The following GPC5 variants were observed in gnomAD, a reference collection of about 807,000 sequenced individuals.
GPC5 encodes the protein glypican-5.
A neutral mutation model predicts 53.9 loss-of-function variants in GPC5; 47 were observed. The observed-to-expected ratio is 0.87, with a 90% CI of 0.69 to 1.11. The LOEUF (loss-of-function observed/expected upper bound fraction) is 1.11. GPC5 is among the 50% of genes most tolerant of loss of function. The probability of loss-of-function intolerance (pLI) is 0.00; values close to 1 mark genes in which losing one functional copy is unlikely to be tolerated. For synonymous variants in GPC5, 286 were observed against 263.3 expected (o/e 1.09, Z -0.84); for missense variants, 748 against 713.1 (o/e 1.05, Z -0.56).
intron 7 of GPC5, among the ~76,000 whole-genome samples, chr13:92,565,501 C>G (rs923055009): frequency 6.6e-6 from 1 of 151,980 alleles, no homozygotes; most frequent in African/African-American, 2.4e-5. Context: ...CTTTTTTTCA[C>G]TGCTACAAAG....
intron 6 of GPC5, among the ~76,000 whole-genome samples, chr13:92,105,793 T>C (rs2041504945): frequency 6.6e-6 from 1 of 152,144 alleles, no homozygotes; most frequent in Non-Finnish European, 1.5e-5. Flanking sequence ...TTTGTACCTA[T>C]ATATAAAACA....
chr13:91,920,065 G>A (rs2039696295), intron 6 of GPC5, among the ~76,000 whole-genome samples: 1 of 151,934 alleles, frequency 6.6e-6, no homozygotes, highest in Admixed American at 6.6e-5. Context: ...AGTATCAATG[G>A]ACAATCAATG....
intron 6 of GPC5, among the ~76,000 whole-genome samples, chr13:92,121,563 TCCCA>T (rs2041649527): frequency 6.6e-6 from 1 of 152,208 alleles, no homozygotes; most frequent in Non-Finnish European, 1.5e-5. Flanking sequence ...CCATAGCTGT[TCCCA>T]TATGCAACTT....
chr13:92,340,866 T>A (rs1418662778), intron 7 of GPC5, among the ~76,000 whole-genome samples: 2 of 152,142 alleles, frequency 1.3e-5, no homozygotes, highest in Non-Finnish European at 2.9e-5. Context: ...TTTTGTACTA[T>A]ATAGCATTTA....
chr13:92,498,587 T>C (rs1880069995), intron 7 of GPC5, among the ~76,000 whole-genome samples: 2 of 152,122 alleles, frequency 1.3e-5, no homozygotes, highest in African/African-American at 4.8e-5. Context: ...GCTTAAAAAC[T>C]GCCTGACCAC....
rs532371355 is a variant in GPC5, at chr13:91,733,184, TG to T, written c.1154+4521del. Among the ~76,000 whole-genome samples the T allele has an allele frequency of 1.3e-3, 194 of 152,324 alleles. 1 individual carries two copies. Among genetic ancestry groups the T allele is most frequent in the African/African-American group, 4.5e-3 (189 of 41,572 alleles). On this transcript the variant is annotated intron_variant, in intron 4 of 7. Coordinates refer to ENST00000377067, the MANE Select transcript of GPC5 (RefSeq NM_004466.6). ...GACAGTCTCATTCTGTCGCCCAGGC[TG>T]GAGTACAGTGACACAGTCTCGGCTC...
chr13:92,127,441 A>T (rs1386774673), intron 6 of GPC5, among the ~76,000 whole-genome samples: 5 of 152,170 alleles, frequency 3.3e-5, no homozygotes, highest in Non-Finnish European at 7.4e-5. Context: ...ATGATTTAAA[A>T]TAATCAGGTT....
chr13:91,471,504 G>A (rs1566428816), intron 2 of GPC5, among the ~76,000 whole-genome samples: 1 of 152,152 alleles, frequency 6.6e-6, no homozygotes, highest in Non-Finnish European at 1.5e-5. Context: ...TTCAGGACAT[G>A]TCTAGAAGTT....
At chr13:92,860,679 T>C (rs1879152472) in intron 7 of GPC5, among the ~76,000 whole-genome samples, 2 of 152,032 alleles carry the variant, frequency 1.3e-5, no homozygotes, top group Admixed American at 6.6e-5. Flanking sequence ...AAATTTAACA[T>C]AATAAGATTC....
intron 7 of GPC5, among the ~76,000 whole-genome samples, chr13:92,231,138 G>A (rs962180977): frequency 6.6e-6 from 1 of 152,098 alleles, no homozygotes; most frequent in South Asian, 2.1e-4. Flanking sequence ...GAGGCTACCA[G>A]GTAAGTCATG....
intron 5 of GPC5, among the ~76,000 whole-genome samples, chr13:91,830,951 T>C (rs981296496): frequency 2.9e-5 from 4 of 136,066 alleles, no homozygotes; most frequent in Non-Finnish European, 6.1e-5. Context: ...CTATTATATA[T>C]GATATATATC....
intron 7 of GPC5, among the ~76,000 whole-genome samples, chr13:92,230,164 A>T (rs1299165603): frequency 6.6e-6 from 1 of 152,186 alleles, no homozygotes; most frequent in Non-Finnish European, 1.5e-5. Flanking sequence ...ACAGCTTTGC[A>T]AGTCATATGC....
chr13:92,228,335 T>A (rs2042504254), intron 7 of GPC5, among the ~76,000 whole-genome samples: 1 of 152,068 alleles, frequency 6.6e-6, no homozygotes, highest in African/African-American at 2.4e-5. Flanking sequence ...AAAAGTAAAA[T>A]TATTGTAATA....
chr13:92,337,298 A>G (rs1005164437), intron 7 of GPC5, among the ~76,000 whole-genome samples: 1 of 152,148 alleles, frequency 6.6e-6, no homozygotes, highest in Non-Finnish European at 1.5e-5. Context: ...TCAAAGAAGA[A>G]CTACACAAAT....
chr13:92,708,350 GAA>G (rs1888018356), intron 7 of GPC5, among the ~76,000 whole-genome samples: 1 of 152,140 alleles, frequency 6.6e-6, no homozygotes, highest in African/African-American at 2.4e-5. Context: ...ATGATGATCA[GAA>G]TTCTTCTCCT....
intron 5 of GPC5, among the ~76,000 whole-genome samples, chr13:91,888,681 G>T (rs1232868761): frequency 2.0e-5 from 3 of 152,100 alleles, no homozygotes; most frequent in Non-Finnish European, 4.4e-5. Context: ...ACTGCTTTCT[G>T]GGTAGAGTTT....
intron 7 of GPC5, among the ~76,000 whole-genome samples, chr13:92,851,282 A>C (rs1878790925): frequency 6.6e-6 from 1 of 152,102 alleles, no homozygotes; most frequent in Non-Finnish European, 1.5e-5. Context: ...GATCCAAACC[A>C]TATCACCTAC....
At chr13:92,632,461 C>CATATATATATATATATATATATAT in intron 7 of GPC5, among the ~76,000 whole-genome samples, 1 of 58,110 alleles carries the variant, frequency 1.7e-5, no homozygotes, top group Admixed American at 1.6e-4. Context: ...GAAAATATTC[C>CATATATATATATATATATATATAT]ACATATATAT....
intron 7 of GPC5, among the ~76,000 whole-genome samples, chr13:92,716,240 C>G (rs1888324213): frequency 6.6e-6 from 1 of 151,984 alleles, no homozygotes; most frequent in Admixed American, 6.6e-5. Context: ...AAGAAGATCC[C>G]TCCATTTTCT....
Sources: gnomAD v4.1 joint callset for allele counts (sites outside exome capture counted in the v4.1 genomes callset) on GRCh38, gnomAD v4.1.1 for gene constraint, MANE v1.5 for transcripts, NCBI Gene and HGNC (gene_info 2026-07-23, HGNC 2026-07-21) for gene names.